The following KIAA0930 variants were observed in gnomAD, a reference collection of about 807,000 sequenced individuals.
The protein encoded by KIAA0930 is uncharacterized protein KIAA0930.
Under a neutral mutation model 43.9 loss-of-function variants are expected in KIAA0930, and 24 were observed. The observed-to-expected ratio is 0.55, with a 90% CI of 0.40 to 0.77. KIAA0930 has a LOEUF of 0.77. Ranked by LOEUF, KIAA0930 falls within the 30% of genes least tolerant of loss-of-function variation. The pLI is 0.00. For missense variants in KIAA0930, 461 were observed against 574.2 expected (o/e 0.80, Z 2.02); for synonymous variants, 259 against 216.4 (o/e 1.20, Z -1.73).
intron 1 of KIAA0930, among the ~76,000 whole-genome samples, chr22:45,223,710 C>T (rs764699425): frequency 2.7e-4 from 40 of 149,832 alleles, no homozygotes; most frequent in Non-Finnish European, 8.9e-5. Flanking sequence ...TAAGCTAGCA[C>T]CCAGGAACAG....
intron 6 of KIAA0930, 51 bp from the exon 7 acceptor site, chr22:45,203,235 T>C (rs756592226): frequency 6.5e-6 from 10 of 1,528,028 alleles, no homozygotes; most frequent in Non-Finnish European, 8.8e-6. Context: ...GATGGCTCCA[T>C]GGGGCCCCTC....
intron 1 of KIAA0930, among the ~76,000 whole-genome samples, chr22:45,237,008 G>A (rs1449014825): frequency 2.6e-5 from 4 of 152,220 alleles, no homozygotes; most frequent in African/African-American, 9.7e-5. Flanking sequence ...TCGCGTCCAC[G>A]TTACCTGACC....
intron 1 of KIAA0930, 74 bp downstream of exon 1, chr22:45,240,541 GACAGAGATGCGCGGGGCGCACAGAA>G (rs2083910577): frequency 1.2e-6 from 1 of 810,908 alleles, no homozygotes; most frequent in South Asian, 1.5e-5. Flanking sequence ...CCCGCGCAGA[GACAGAGATGCGCGGGGCGCACAGAA>G]ACACGGACGC....
chr22:45,225,203 G>A (rs542780443), intron 1 of KIAA0930, among the ~76,000 whole-genome samples: 6 of 152,154 alleles, frequency 3.9e-5, no homozygotes, highest in South Asian at 2.1e-4. Context: ...TCATCCACTC[G>A]TGCCTCGCAG....
At position 45,192,651 on chromosome 22, in the gene KIAA0930, C is replaced by T. The variant is rs894180544; in HGVS notation, c.*4525G>A. ...GGCGGGGAAGAAAGCGAGCGTGTCG[C>T]GGGCTCTGTGGGGTTGCAGGGTCAC... On this transcript the variant is annotated 3_prime_UTR_variant, in exon 10 of 10. Transcript: ENST00000336156. 2.6e-5 allele frequency: 4 copies of T among 152,196 alleles called. No homozygotes were observed. Among genetic ancestry groups the T allele is most frequent in the Admixed American group, 6.5e-5 (1 of 15,280 alleles). The allele number at this position is 152,196 out of a possible 1,614,324, so 9.4% of individuals were successfully genotyped here. A position where few individuals can be genotyped will look rare whatever the true frequency, so the allele number is the denominator to read the frequency against.
chr22:45,194,050 A>ATTTTTTT lies in KIAA0930; in HGVS notation c.*3125_*3126insAAAAAAA, dbSNP rs2083514213. 2.4e-5 allele frequency: 1 copy of ATTTTTTT among 41,616 alleles called. No homozygotes were observed. Among genetic ancestry groups the ATTTTTTT allele is most frequent in the African/African-American group, 7.6e-5 (1 of 13,120 alleles). The allele number at this position is 41,616 out of a possible 1,614,324, so 2.6% of individuals were successfully genotyped here. ...GGGGTTTGGGTTTAAAGACCAATGTATCTTTTTTTTTTTTTTTTTTTTTTT... is the reference window on the plus strand; with the variant it reads ...GGGGTTTGGGTTTAAAGACCAATGTATTTTTTTTCTTTTTTTTTTTTTTTTTTTTTTT... On this transcript the variant is annotated 3_prime_UTR_variant, in exon 10 of 10. Transcript: ENST00000336156.
chr22:45,227,779 C>T (rs568639436), intron 1 of KIAA0930, among the ~76,000 whole-genome samples: 4 of 152,336 alleles, frequency 2.6e-5, no homozygotes, highest in Admixed American at 6.5e-5. Flanking sequence ...TTCTTCTTGT[C>T]GCAGCCTCTG....
intron 1 of KIAA0930, among the ~76,000 whole-genome samples, chr22:45,230,274 G>C (rs901980987): frequency 1.6e-4 from 24 of 152,178 alleles, no homozygotes; most frequent in Admixed American, 1.2e-3. Flanking sequence ...CTGAGCTGGA[G>C]GCACCCGAGA....
intron 1 of KIAA0930, among the ~76,000 whole-genome samples, chr22:45,239,603 A>G (rs774459439): frequency 6.6e-6 from 1 of 152,034 alleles, no homozygotes; most frequent in Non-Finnish European, 1.5e-5. Flanking sequence ...AGGGGCCCTG[A>G]ATGCCTGGGA....
chr22:45,198,373 C>A (rs2083556321), intron 8 of KIAA0930, among the ~76,000 whole-genome samples: 1 of 152,236 alleles, frequency 6.6e-6, no homozygotes, highest in South Asian at 2.1e-4. Flanking sequence ...GCTGGGGGAA[C>A]CTGCCCCAGA....
At chr22:45,216,039 A>G (rs1212827309) in intron 1 of KIAA0930, among the ~76,000 whole-genome samples, 1 of 150,698 alleles carries the variant, frequency 6.6e-6, no homozygotes, top group Admixed American at 6.6e-5. Flanking sequence ...AAAAAAAAAC[A>G]AAAGAAAGGG....
At position 45,193,116 on chromosome 22, in the gene KIAA0930, T is replaced by C. The variant is rs191055442; in HGVS notation, c.*4060A>G. 3.3e-5 allele frequency: 5 copies of C among 152,148 alleles called. No individual in the cohort carries two copies. The highest frequency in any genetic ancestry group is 1.2e-4 in the African/African-American group (5 of 41,426). The allele number at this position is 152,148 out of a possible 1,614,324, so 9.4% of individuals were successfully genotyped here. On this transcript the variant is annotated 3_prime_UTR_variant, in exon 10 of 10. Coordinates refer to ENST00000336156, the MANE Select transcript of KIAA0930 (RefSeq NM_001009880.2). The stretch of plus-strand genomic sequence containing the variant: ...GTGGAGTGTCCGTCCTATCAGGTGG[T>C]TGTTTGTAAAACAAAAGTACAGTCA...
intron 1 of KIAA0930, chr22:45,226,234 C>G (rs1478389024): frequency 2.1e-6 from 1 of 470,840 alleles, no homozygotes; most frequent in Non-Finnish European, 4.4e-6. Flanking sequence ...AGTGCTTTCA[C>G]AATCCCCAGG....
At chr22:45,206,692 T>A (rs9615062) in intron 2 of KIAA0930, among the ~76,000 whole-genome samples, 10 of 148,642 alleles carry the variant, frequency 6.7e-5, no homozygotes, top group African/African-American at 1.2e-4. Context: ...CCTGGGAGAC[T>A]GGCTTCCAAT....
intron 4 of KIAA0930, 117 bp from the exon 5 acceptor site, chr22:45,205,435 C>T: frequency 3.1e-6 from 3 of 966,428 alleles, no homozygotes; most frequent in Non-Finnish European, 4.8e-6. Context: ...AGCCAGAGAC[C>T]TACCAGGAGA....
chr22:45,225,588 C>T (rs1265857579), intron 1 of KIAA0930, among the ~76,000 whole-genome samples: 3 of 152,206 alleles, frequency 2.0e-5, no homozygotes, highest in Non-Finnish European at 4.4e-5. Context: ...CTTGCTCCCT[C>T]TCACCAGGTC....
intron 1 of KIAA0930, among the ~76,000 whole-genome samples, chr22:45,230,058 T>A (rs2083842690): frequency 6.6e-6 from 1 of 152,184 alleles, no homozygotes; most frequent in South Asian, 2.1e-4. Flanking sequence ...ATTATGCCAC[T>A]GCACTCCAGC....
rs761675522 is a variant in KIAA0930, at chr22:45,197,829, A to G, written c.1135T>C (p.Leu379=). The stretch of plus-strand genomic sequence containing the variant: ...TGCAGCGGCAACGTGACGTAGGTTA[A>G]GTGTGCATAGAGAAGGAAGTTTCCA... The part of the protein sequence containing the change: ...ADGNFLLYAH[L]TYVTLPLHRI... Residue 379 remains leucine, a synonymous_variant, in exon 9 of 10, where the codon TTA becomes CTA. Transcript: ENST00000336156. The G allele has an allele frequency of 7.4e-6, 12 of 1,614,096 alleles. No individual in the cohort carries two copies. Among genetic ancestry groups the G allele is most frequent in the Non-Finnish European group, 1.0e-5 (12 of 1,180,040 alleles).
chr22:45,234,683 G>A (rs1224528872), intron 1 of KIAA0930, among the ~76,000 whole-genome samples: 1 of 152,240 alleles, frequency 6.6e-6, no homozygotes, highest in Admixed American at 6.5e-5. Context: ...TTTGCTGCAA[G>A]TTATTTCTAA....
Sources: gnomAD v4.1 joint callset for allele counts (sites outside exome capture counted in the v4.1 genomes callset) on GRCh38, gnomAD v4.1.1 for gene constraint, MANE v1.5 for transcripts, NCBI Gene and HGNC (gene_info 2026-07-23, HGNC 2026-07-21) for gene names.